Variants in GOLIM4 observed in about 807,000 individuals in gnomAD.
GOLIM4 encodes the protein golgi integral membrane protein 4.
In GOLIM4, 71 loss-of-function variants were observed where a neutral mutation model predicts 107.4. That is an observed-to-expected ratio of 0.66 (90% confidence interval 0.55 to 0.81). GOLIM4 has a LOEUF of 0.81. Ranked by LOEUF, GOLIM4 falls within the 30% of genes least tolerant of loss-of-function variation. GOLIM4 has a pLI of 0.00. For missense variants in GOLIM4, 830 were observed against 826.1 expected (o/e 1.00, Z -0.06); for synonymous variants, 327 against 294.8 (o/e 1.11, Z -1.12).
At chr3:168,019,882 G>A (rs184987636) in intron 14 of GOLIM4, among the ~76,000 whole-genome samples, 2 of 152,092 alleles carry the variant, frequency 1.3e-5, no homozygotes, top group East Asian at 3.9e-4. Flanking sequence ...AAAGTTCCCT[G>A]ACCTCTGTTC....
chr3:168,066,498 A>G (rs968362198), intron 1 of GOLIM4, among the ~76,000 whole-genome samples: 1 of 152,144 alleles, frequency 6.6e-6, no homozygotes, highest in Non-Finnish European at 1.5e-5. Context: ...TCTCAGGGAG[A>G]ACAGTTATTC....
intron 8 of GOLIM4, 51 bp from the exon 9 acceptor site, chr3:168,032,903 T>A: frequency 7.3e-7 from 1 of 1,375,750 alleles, no homozygotes; most frequent in Non-Finnish European, 1.0e-6. Context: ...TCAAAAGTAA[T>A]GATGTAATTT....
intron 14 of GOLIM4, among the ~76,000 whole-genome samples, chr3:168,021,608 G>A (rs1717689818): frequency 6.6e-6 from 1 of 152,108 alleles, no homozygotes; most frequent in South Asian, 2.1e-4. Flanking sequence ...GGAGGTTGCA[G>A]TGAGCCGAGA....
At chr3:168,087,389 T>C (rs1388291243) in intron 1 of GOLIM4, among the ~76,000 whole-genome samples, 1 of 152,186 alleles carries the variant, frequency 6.6e-6, no homozygotes, top group African/African-American at 2.4e-5. Flanking sequence ...AGAGAGATTC[T>C]AGCATCAGAC....
At chr3:168,069,109 A>G (rs1230924597) in intron 1 of GOLIM4, among the ~76,000 whole-genome samples, 1 of 152,190 alleles carries the variant, frequency 6.6e-6, no homozygotes, top group Non-Finnish European at 1.5e-5. Flanking sequence ...CTGGGATTAC[A>G]GGTGTGAGCC....
chr3:168,017,213 C>T (rs750588218), intron 14 of GOLIM4, among the ~76,000 whole-genome samples: 14 of 152,110 alleles, frequency 9.2e-5, no homozygotes, highest in Admixed American at 3.3e-4. Context: ...TCTGGCCAGG[C>T]GTGGTGGCTC....
At chr3:168,053,090 C>T (rs1398726007) in intron 1 of GOLIM4, among the ~76,000 whole-genome samples, 1 of 152,160 alleles carries the variant, frequency 6.6e-6, no homozygotes, top group Non-Finnish European at 1.5e-5. Context: ...CTATTCCCCC[C>T]AAAAGCACTC....
At chr3:168,021,734 T>C (rs940048813) in intron 14 of GOLIM4, among the ~76,000 whole-genome samples, 6 of 152,084 alleles carry the variant, frequency 3.9e-5, no homozygotes, top group African/African-American at 7.2e-5. Flanking sequence ...GCTGGTAGTC[T>C]CATGTAGGTG....
intron 1 of GOLIM4, among the ~76,000 whole-genome samples, chr3:168,084,060 C>G (rs1721501627): frequency 6.6e-6 from 1 of 152,124 alleles, no homozygotes; most frequent in Non-Finnish European, 1.5e-5. Context: ...GCAGGAGAGG[C>G]CTGGTGGGAG....
chr3:168,029,612 A>T (rs1718193813), intron 10 of GOLIM4, among the ~76,000 whole-genome samples, 168 bp downstream of exon 10: 1 of 152,258 alleles, frequency 6.6e-6, no homozygotes, highest in South Asian at 2.1e-4. Context: ...TATTATTTTT[A>T]AAATTAAATA....
intron 14 of GOLIM4, among the ~76,000 whole-genome samples, chr3:168,019,970 T>G (rs572215304): frequency 6.6e-6 from 1 of 152,276 alleles, no homozygotes; most frequent in East Asian, 1.9e-4. Context: ...AAATGGTCAC[T>G]TTGTATTTCC....
chr3:168,053,011 C>T (rs1236691419), intron 1 of GOLIM4, among the ~76,000 whole-genome samples: 1 of 152,152 alleles, frequency 6.6e-6, no homozygotes, highest in Non-Finnish European at 1.5e-5. Flanking sequence ...ATCCATAATA[C>T]TCATCTCATC....
At chr3:168,093,128 T>C (rs1045086293) in intron 1 of GOLIM4, among the ~76,000 whole-genome samples, 1 of 152,176 alleles carries the variant, frequency 6.6e-6, no homozygotes, top group African/African-American at 2.4e-5. Flanking sequence ...AAGAAATTTC[T>C]AAAATTTCAA....
At chr3:168,091,946 A>G (rs577008141) in intron 1 of GOLIM4, among the ~76,000 whole-genome samples, 10 of 152,296 alleles carry the variant, frequency 6.6e-5, no homozygotes, top group Non-Finnish European at 1.5e-4. Flanking sequence ...GGAAAGGCTC[A>G]GTTTTAAGAT....
chr3:168,074,093 C>T (rs1315849807), intron 1 of GOLIM4, among the ~76,000 whole-genome samples: 1 of 152,126 alleles, frequency 6.6e-6, no homozygotes, highest in Non-Finnish European at 1.5e-5. Context: ...ATGTAGGCAA[C>T]CCGAGGAGGG....
intron 15 of GOLIM4, 142 bp from the exon 16 acceptor site, chr3:168,010,560 T>C: frequency 1.3e-6 from 1 of 749,344 alleles, no homozygotes; most frequent in Non-Finnish European, 2.2e-6. Flanking sequence ...ACAGTGCTGC[T>C]GTCTCTCCTA....
At chr3:168,059,043 A>T (rs1367297437) in intron 1 of GOLIM4, among the ~76,000 whole-genome samples, 2 of 152,152 alleles carry the variant, frequency 1.3e-5, no homozygotes, top group Admixed American at 1.3e-4. Flanking sequence ...CATGTGTAAG[A>T]ATGCCCTTAA....
chr3:168,048,735 C>A lies in GOLIM4; in HGVS notation c.188-370G>T, dbSNP rs142779382. 1.3e-3 allele frequency among the ~76,000 whole-genome samples: 203 copies of A among 152,182 alleles called. 1 individual carries two copies. The East Asian group carries it at 0.014, about 10-fold the overall frequency. ...TTAACCATCATCTGCAAAGCAGTTA[C>A]CCCCACATCTACACTTCCACCTCTG... On this transcript the variant is annotated intron_variant, in intron 1 of 15. Transcript: ENST00000470487.
chr3:168,053,201 T>C (rs537619218), intron 1 of GOLIM4, among the ~76,000 whole-genome samples: 6 of 152,294 alleles, frequency 3.9e-5, no homozygotes, highest in African/African-American at 1.4e-4. Context: ...CATTCACTTA[T>C]GGGCAAAATG....
Sources: gnomAD v4.1 joint callset for allele counts (sites outside exome capture counted in the v4.1 genomes callset) on GRCh38, gnomAD v4.1.1 for gene constraint, MANE v1.5 for transcripts, NCBI Gene and HGNC (gene_info 2026-07-23, HGNC 2026-07-21) for gene names.